EPHA6: variants seen among roughly 807,000 people sequenced by gnomAD.
EPHA6 encodes the protein EPH receptor A6.
In EPHA6, 50 loss-of-function variants were observed where a neutral mutation model predicts 112.0. That is an observed-to-expected ratio of 0.45 (90% CI 0.36 to 0.56). The LOEUF is 0.56. Ranked by LOEUF, EPHA6 falls within the 20% of genes least tolerant of loss-of-function variation. The pLI, the probability that EPHA6 is intolerant of heterozygous loss-of-function variation, is 0.00. For synonymous variants in EPHA6, 529 were observed against 490.7 expected (o/e 1.08, Z -1.03); for missense variants, 1,280 against 1,417.4 (o/e 0.90, Z 1.56).
chr3:96,856,273 G>A (rs1383481753), intron 1 of EPHA6, among the ~76,000 whole-genome samples: 2 of 151,908 alleles, frequency 1.3e-5, no homozygotes, highest in Non-Finnish European at 2.9e-5. Context: ...GTTTATGACA[G>A]AAGCAACCTG....
At chr3:97,609,271 A>G (rs1199638491) in intron 12 of EPHA6, among the ~76,000 whole-genome samples, 1 of 151,306 alleles carries the variant, frequency 6.6e-6, no homozygotes, top group Non-Finnish European at 1.5e-5. Flanking sequence ...TTTATATTTA[A>G]GTACAAAAAC....
intron 11 of EPHA6, among the ~76,000 whole-genome samples, chr3:97,555,851 C>A (rs894459737): frequency 6.6e-6 from 1 of 151,908 alleles, no homozygotes; most frequent in Non-Finnish European, 1.5e-5. Flanking sequence ...GAGTAGGTTG[C>A]GAAAATTTTC....
chr3:97,523,237 A>G (rs887678479), intron 10 of EPHA6, among the ~76,000 whole-genome samples: 12 of 151,954 alleles, frequency 7.9e-5, no homozygotes, highest in African/African-American at 2.9e-4. Flanking sequence ...TTTCATTTTC[A>G]TTTGTCCGAG....
intron 5 of EPHA6, among the ~76,000 whole-genome samples, chr3:97,295,289 T>C (rs1576867998): frequency 6.6e-6 from 1 of 152,108 alleles, no homozygotes; most frequent in African/African-American, 2.4e-5. Flanking sequence ...CTTTTTTGTC[T>C]GACATAGTAA....
intron 3 of EPHA6, among the ~76,000 whole-genome samples, chr3:97,031,667 A>G (rs934694827): frequency 1.3e-5 from 2 of 152,230 alleles, no homozygotes; most frequent in African/African-American, 2.4e-5. Flanking sequence ...AAAAGAAGAC[A>G]TATATGCAGC....
intron 3 of EPHA6, among the ~76,000 whole-genome samples, chr3:97,004,074 T>G (rs1166836591): frequency 6.6e-6 from 1 of 152,194 alleles, no homozygotes; most frequent in Non-Finnish European, 1.5e-5. Context: ...TTCCATGTCT[T>G]TGCTATTGTA....
chr3:97,663,767 C>G (rs2094186438), intron 14 of EPHA6, among the ~76,000 whole-genome samples: 1 of 152,116 alleles, frequency 6.6e-6, no homozygotes, highest in Admixed American at 6.5e-5. Flanking sequence ...CAAGTCTTTG[C>G]TATTGTGAAT....
chr3:97,015,956 CTATT>C (rs761258393), intron 3 of EPHA6, among the ~76,000 whole-genome samples: 89 of 151,050 alleles, frequency 5.9e-4, no homozygotes, highest in Non-Finnish European at 9.4e-4. Flanking sequence ...ATTGCTTTGG[CTATT>C]TGTTTATTGT....
chr3:96,867,246 T>C (rs2036370303), intron 2 of EPHA6, among the ~76,000 whole-genome samples: 1 of 151,862 alleles, frequency 6.6e-6, no homozygotes, highest in South Asian at 2.1e-4. Flanking sequence ...AAATAAACTT[T>C]AAACTACTGT....
At position 97,639,834 on chromosome 3, in the gene EPHA6, G is replaced by A. The variant is rs565595337; in HGVS notation, c.2784+1752G>A. Among the ~76,000 whole-genome samples, 3 of 152,242 alleles carry A rather than the reference G, an allele frequency of 2.0e-5. No homozygotes were observed. The South Asian group carries it at 6.2e-4, about 32-fold the overall frequency. On this transcript the variant is annotated intron_variant, in intron 14 of 17. Coordinates refer to ENST00000389672, the MANE Select transcript of EPHA6 (RefSeq NM_001080448.3). ...ACCCCAGACTTAAATAGCAAATTAG[G>A]TAACCAGAATATTAACACTCTAAAA...
At chr3:97,130,962 A>G (rs910113412) in intron 3 of EPHA6, among the ~76,000 whole-genome samples, 2 of 152,142 alleles carry the variant, frequency 1.3e-5, no homozygotes, top group Non-Finnish European at 2.9e-5. Context: ...GTGCCATTTA[A>G]TTGACACAAA....
chr3:97,114,180 GC>G (rs2047812485), intron 3 of EPHA6, among the ~76,000 whole-genome samples: 1 of 152,090 alleles, frequency 6.6e-6, no homozygotes, highest in Non-Finnish European at 1.5e-5. Context: ...TTCCAATCAT[GC>G]CGTTTTAAAT....
chr3:97,405,086 TAAAG>T lies in EPHA6; in HGVS notation c.1607-59_1607-56del, dbSNP rs201880952. 1.8e-3 allele frequency: 2,648 copies of T among 1,512,270 alleles called. 28 individuals carry two copies. In the African/African-American group the frequency reaches 0.028, roughly 16 times the overall value. The allele number at this position is 1,512,270 out of a possible 1,614,324, so 93.7% of individuals were successfully genotyped here. On this transcript the variant is annotated intron_variant, in intron 5 of 17. Coordinates refer to ENST00000389672, the MANE Select transcript of EPHA6 (RefSeq NM_001080448.3). ...TTATTTTCCTTGGAAGAGAAAATATTAAAGAAAGGATAATGGAAAATGATTCCTG... is the reference window on the plus strand; with the variant it reads ...TTATTTTCCTTGGAAGAGAAAATATTAAAGGATAATGGAAAATGATTCCTG...
chr3:97,160,824 T>G (rs1459516559), intron 3 of EPHA6, among the ~76,000 whole-genome samples: 1 of 152,192 alleles, frequency 6.6e-6, no homozygotes, highest in Non-Finnish European at 1.5e-5. Flanking sequence ...CACCAGTGTT[T>G]CAGGGCTGTT....
chr3:97,610,148 T>C (rs534797778), intron 12 of EPHA6, among the ~76,000 whole-genome samples: 3 of 151,740 alleles, frequency 2.0e-5, no homozygotes, highest in Non-Finnish European at 3.0e-5. Context: ...TTATTTTTCA[T>C]GTACTGCCAT....
intron 10 of EPHA6, among the ~76,000 whole-genome samples, chr3:97,488,829 CTGAGAA>C (rs1463787135): frequency 6.6e-6 from 1 of 152,176 alleles, no homozygotes; most frequent in East Asian, 1.9e-4. Flanking sequence ...GTTGAGTAGA[CTGAGAA>C]TAAGATCAAC....
intron 3 of EPHA6, among the ~76,000 whole-genome samples, chr3:97,068,165 G>GAA (rs75312712): frequency 1.1e-4 from 8 of 69,620 alleles, no homozygotes; most frequent in Middle Eastern, 7.9e-3. Context: ...AAAAAAAAAA[G>GAA]AAAAAAAAAA....
chr3:97,097,544 T>A (rs1044624740), intron 3 of EPHA6, among the ~76,000 whole-genome samples: 2 of 151,556 alleles, frequency 1.3e-5, no homozygotes, highest in African/African-American at 4.8e-5. Flanking sequence ...AAAATCACAT[T>A]GGTTCTTTTT....
chr3:97,267,265 G>GGT (rs1162933336), intron 5 of EPHA6, among the ~76,000 whole-genome samples: 1 of 151,750 alleles, frequency 6.6e-6, no homozygotes, highest in Non-Finnish European at 1.5e-5. Flanking sequence ...GGTCTATCTT[G>GGT]GTGGGAAATC....
Sources: allele counts gnomAD v4.1 joint callset (sites outside exome capture counted in the v4.1 genomes callset), GRCh38; gene constraint gnomAD v4.1.1; transcripts MANE v1.5; gene names NCBI Gene and HGNC (gene_info 2026-07-23, HGNC 2026-07-21).